The following DCLK1 variants were observed in gnomAD, a reference collection of about 807,000 sequenced individuals.
DCLK1 encodes the protein doublecortin like kinase 1.
In DCLK1, 16 loss-of-function variants were observed where a neutral mutation model predicts 86.2. That is an observed-to-expected ratio of 0.19 (90% CI 0.13 to 0.28). The LOEUF (loss-of-function observed/expected upper bound fraction) is 0.28, where lower values mean the gene tolerates loss of function less well. DCLK1 is among the 10% of genes least tolerant of loss of function. The probability of loss-of-function intolerance (pLI) is 1.00; values close to 1 mark genes in which losing one functional copy is unlikely to be tolerated. For synonymous variants in DCLK1, 369 were observed against 370.5 expected (o/e 1.00, Z 0.05); for missense variants, 590 against 940.2 (o/e 0.63, Z 4.87).
rs756898783 is a variant in DCLK1, at chr13:36,112,118, C to T, written c.474G>A (p.Ser158=). ...PNWSVNVKTT[S]ASRAVSSLAT... ...CCAGTGAAGACACTGCCCGAGAAGC[C>T]GAGGTGGTCTTGACGTTCACCGACC... Residue 158 remains serine (S), a synonymous_variant, in exon 3 of 17, where the codon TCG becomes TCA. Coordinates refer to ENST00000360631, the MANE Select transcript of DCLK1 (RefSeq NM_001330071.2). 22 of 1,613,704 alleles carry T rather than the reference C, an allele frequency of 1.4e-5. No individual in the cohort carries two copies. The highest frequency in any genetic ancestry group is 5.3e-5 in the African/African-American group (4 of 74,904).
At chr13:35,904,460 G>A (rs370886787) in intron 4 of DCLK1, among the ~76,000 whole-genome samples, 3 of 152,202 alleles carry the variant, frequency 2.0e-5, no homozygotes, top group South Asian at 4.1e-4. Flanking sequence ...CCAAAGTGCT[G>A]AGATTACAGG....
At chr13:35,817,574 A>T (rs1435810094) in intron 11 of DCLK1, among the ~76,000 whole-genome samples, 1 of 152,168 alleles carries the variant, frequency 6.6e-6, no homozygotes, top group Non-Finnish European at 1.5e-5. Flanking sequence ...CATATACAGT[A>T]CAAGAAAGTT....
chr13:35,956,123 T>A (rs1022531974), intron 3 of DCLK1, among the ~76,000 whole-genome samples: 1 of 152,104 alleles, frequency 6.6e-6, no homozygotes, highest in Non-Finnish European at 1.5e-5. Context: ...TAAAGGATAG[T>A]CCAAGAAAAT....
chr13:36,086,562 G>A (rs1416233722), intron 3 of DCLK1, among the ~76,000 whole-genome samples: 5 of 150,596 alleles, frequency 3.3e-5, no homozygotes, highest in South Asian at 2.1e-4. Flanking sequence ...CCATCAACCC[G>A]TCATCTAGGT....
At chr13:36,125,267 C>T (rs866751382) in intron 2 of DCLK1, among the ~76,000 whole-genome samples, 6 of 152,130 alleles carry the variant, frequency 3.9e-5, no homozygotes, top group South Asian at 2.1e-4. Context: ...TATCTTACCA[C>T]GTAACCACCG....
chr13:35,793,166 T>C (rs922266063), intron 16 of DCLK1, among the ~76,000 whole-genome samples, 200 bp downstream of exon 16: 2 of 152,150 alleles, frequency 1.3e-5, no homozygotes, highest in Non-Finnish European at 2.9e-5. Flanking sequence ...TGTTGGATAA[T>C]GATGTGATGC....
chr13:35,908,277 C>T (rs116100779), intron 4 of DCLK1, among the ~76,000 whole-genome samples: 1,659 of 152,262 alleles, frequency 0.011, 36 homozygotes, highest in African/African-American at 0.037. Context: ...TATTAGGAAA[C>T]AAGTCTCAGC....
intron 1 of DCLK1, among the ~76,000 whole-genome samples, chr13:36,129,152 G>A (rs1238642989): frequency 2.0e-5 from 3 of 152,196 alleles, no homozygotes; most frequent in Non-Finnish European, 4.4e-5. Context: ...AGGGCCATAG[G>A]GAAGGATGGC....
intron 4 of DCLK1, among the ~76,000 whole-genome samples, chr13:35,906,854 G>C (rs1037513898): frequency 6.6e-6 from 1 of 152,142 alleles, no homozygotes; most frequent in African/African-American, 2.4e-5. Flanking sequence ...ACTTGATTAT[G>C]CAAATTGAGC....
At chr13:35,848,992 A>G (rs1482968479) in intron 6 of DCLK1, 23 of 985,242 alleles carry the variant, frequency 2.3e-5, no homozygotes, top group Non-Finnish European at 2.7e-5. Flanking sequence ...GAAGTCTGGA[A>G]CAGGTATTAT....
At chr13:36,103,349 A>T (rs1421591232) in intron 3 of DCLK1, among the ~76,000 whole-genome samples, 1 of 148,796 alleles carries the variant, frequency 6.7e-6, no homozygotes, top group African/African-American at 2.5e-5. Context: ...GGTTGTACTG[A>T]GCTGAGACTG....
At chr13:35,916,640 G>T (rs559733824) in intron 4 of DCLK1, among the ~76,000 whole-genome samples, 177 of 151,056 alleles carry the variant, frequency 1.2e-3, no homozygotes, top group Non-Finnish European at 1.3e-3. Flanking sequence ...CTCCCTCTAT[G>T]TCTCTGTAGA....
At chr13:35,819,844 AG>A (rs2087352152) in intron 11 of DCLK1, among the ~76,000 whole-genome samples, 1 of 152,178 alleles carries the variant, frequency 6.6e-6, no homozygotes, top group East Asian at 1.9e-4. Flanking sequence ...TTTTATTTTA[AG>A]GAATACTTTA....
At chr13:35,849,793 AT>A in intron 6 of DCLK1, 1 of 985,308 alleles carries the variant, frequency 1.0e-6, no homozygotes, top group African/African-American at 1.7e-5. Context: ...ATACAGCACC[AT>A]TTAAGTGAAT....
At chr13:36,118,816 G>A (rs1304561092) in intron 2 of DCLK1, among the ~76,000 whole-genome samples, 1 of 152,206 alleles carries the variant, frequency 6.6e-6, no homozygotes, top group South Asian at 2.1e-4. Context: ...TGGAGGCTGG[G>A]AAGTCCAAGA....
At chr13:35,811,259 G>A (rs527486265) in intron 11 of DCLK1, among the ~76,000 whole-genome samples, 2 of 151,888 alleles carry the variant, frequency 1.3e-5, no homozygotes, top group South Asian at 4.1e-4. Flanking sequence ...TATAGTTATT[G>A]AATTATGTTT....
rs182124764 is a variant in DCLK1 at position 35,841,696 on chromosome 13, C to G, written c.1036-2520G>C. Among the ~76,000 whole-genome samples the G allele has an allele frequency of 9.0e-3, 1,367 of 152,186 alleles. 29 individuals are homozygous for G. Among genetic ancestry groups the G allele is most frequent in the African/African-American group, 0.031 (1,291 of 41,508 alleles). ...GGCAGTCAAGAGAAAAACGTACTTA[C>G]GGTCATACAGAGTTCTCTGAAAATG... On this transcript the variant is annotated intron_variant, in intron 6 of 16. Transcript: ENST00000360631.
intron 3 of DCLK1, among the ~76,000 whole-genome samples, chr13:35,964,576 T>G (rs1196138485): frequency 6.6e-6 from 1 of 152,212 alleles, no homozygotes; most frequent in Non-Finnish European, 1.5e-5. Flanking sequence ...ATCTCATAAA[T>G]TCAAATCTTT....
intron 2 of DCLK1, among the ~76,000 whole-genome samples, chr13:36,116,073 C>T (rs968578643): frequency 6.6e-6 from 1 of 151,746 alleles, no homozygotes; most frequent in Non-Finnish European, 1.5e-5. Flanking sequence ...CCTCAGCCTC[C>T]TGAGTAGCTG....
Sources: allele counts gnomAD v4.1 joint callset (sites outside exome capture counted in the v4.1 genomes callset), GRCh38; gene constraint gnomAD v4.1.1; transcripts MANE v1.5; gene names NCBI Gene and HGNC (gene_info 2026-07-23, HGNC 2026-07-21).